Variants in SLC9A3 observed in about 807,000 individuals in gnomAD.
The protein encoded by SLC9A3 is sodium/hydrogen exchanger 3.
In SLC9A3, 37 loss-of-function variants were observed where a neutral mutation model predicts 86.8. The observed-to-expected ratio is 0.43, with a 90% CI of 0.33 to 0.56. The LOEUF is 0.56. Ranked by LOEUF, SLC9A3 falls within the 20% of genes least tolerant of loss-of-function variation. SLC9A3 has a pLI of 0.06. For missense variants in SLC9A3, 1,011 were observed against 1,171.9 expected, an observed-to-expected ratio of 0.86 and a Z score of 2.00; for synonymous variants, 581 against 528.3, an observed-to-expected ratio of 1.10 and a Z score of -1.37.
At chr5:483,549 C>T (rs1453747416) in intron 5 of SLC9A3, 67 bp from the exon 6 acceptor site, 3 of 1,137,204 alleles carry the variant, frequency 2.6e-6, no homozygotes, top group Non-Finnish European at 3.9e-6. Context: ...CGTGTCCGCC[C>T]AGCCCCCCAC....
intron 1 of SLC9A3, among the ~76,000 whole-genome samples, chr5:509,781 C>T: frequency 6.6e-6 from 1 of 152,074 alleles, no homozygotes; most frequent in South Asian, 2.1e-4. Flanking sequence ...TGCAAAGAAC[C>T]AGGAATGAGG....
At chr5:517,095 TCATC>T (rs573189531) in intron 1 of SLC9A3, among the ~76,000 whole-genome samples, 5 of 151,674 alleles carry the variant, frequency 3.3e-5, no homozygotes, top group Admixed American at 6.6e-5. Flanking sequence ...ATCCATCCAC[TCATC>T]CATCCATCCA....
chr5:473,908 G>T (rs560857253), intron 16 of SLC9A3, among the ~76,000 whole-genome samples: 2 of 152,258 alleles, frequency 1.3e-5, no homozygotes, highest in Non-Finnish European at 2.9e-5. Flanking sequence ...CCTGCTCTCA[G>T]CTCCCTGGGA....
At chr5:475,350 C>T (rs961053288) in intron 15 of SLC9A3, 13 of 618,752 alleles carry the variant, frequency 2.1e-5, no homozygotes, top group Non-Finnish European at 3.4e-5. Context: ...AGACATACCC[C>T]ACCTGCTCCC....
At chr5:480,827 G>A (rs1739117336) in intron 9 of SLC9A3, 4 of 152,250 alleles carry the variant, frequency 2.6e-5, no homozygotes, top group Non-Finnish European at 5.9e-5. Flanking sequence ...GCTCCTTACT[G>A]GGTTTATTAT....
intron 15 of SLC9A3, 84 bp downstream of exon 15, chr5:475,477 G>A: frequency 2.4e-6 from 2 of 817,136 alleles, no homozygotes; most frequent in Non-Finnish European, 4.0e-6. Context: ...AGGTCCCAGT[G>A]CCCCTGGTCC....
intron 9 of SLC9A3, chr5:480,855 T>TA (rs1218500275): frequency 3.3e-5 from 5 of 152,312 alleles, no homozygotes; most frequent in Non-Finnish European, 7.3e-5. Context: ...ACATGTTTTT[T>TA]ATAATAAAAC....
Position 523,315 on chromosome 5 carries a change from C to T in SLC9A3, c.211+797G>A, listed in dbSNP as rs112366804. 1.6e-4 allele frequency among the ~76,000 whole-genome samples: 25 copies of T among 152,238 alleles called. 1 individual carries two copies. The highest frequency in any genetic ancestry group is 5.5e-4 in the African/African-American group (23 of 41,540). On this transcript the variant is annotated intron_variant, in intron 1 of 16. Transcript: ENST00000264938. ...CGGCCCCAGCATCGAAACCTCCTCTCGCCCCAGTCCAAAGCTGCTCTGGAA... is the reference window on the plus strand; with the variant it reads ...CGGCCCCAGCATCGAAACCTCCTCTTGCCCCAGTCCAAAGCTGCTCTGGAA...
chr5:476,228 A>T lies in SLC9A3; in HGVS notation c.2041T>A (p.Tyr681Asn). 2 of 1,613,710 alleles carry T rather than the reference A, an allele frequency of 1.2e-6. No homozygotes were observed. The highest frequency in any genetic ancestry group is 1.7e-6 in the Non-Finnish European group (2 of 1,179,940). The change falls in exon 13 of 17, where the codon TAC becomes AAC. Residue 681 changes from tyrosine to asparagine, a missense_variant. Coordinates refer to ENST00000264938, the MANE Select transcript of SLC9A3 (RefSeq NM_004174.4). ...CGCTTCTGGGCACGCTCCCGCTTGT[A>T]CAGCTTGGCCGCCTTCTTGTTCTGG... The part of the protein sequence containing the change: ...LNQNKKAAKL[Y>N]KRERAQKRRN...
At chr5:473,971 C>T (rs958659445) in intron 16 of SLC9A3, among the ~76,000 whole-genome samples, 4 of 152,234 alleles carry the variant, frequency 2.6e-5, no homozygotes, top group Non-Finnish European at 2.9e-5. Flanking sequence ...AAGGAAATCT[C>T]AGGCGGCCCT....
intron 2 of SLC9A3, among the ~76,000 whole-genome samples, chr5:490,771 C>T (rs571302450): frequency 6.6e-6 from 1 of 152,352 alleles, no homozygotes; most frequent in South Asian, 2.1e-4. Flanking sequence ...TCCTGACCAC[C>T]TATGGCATCG....
chr5:475,203 C>G (rs1170993193), intron 15 of SLC9A3, 71 bp from the exon 16 acceptor site: 5 of 1,474,338 alleles, frequency 3.4e-6, no homozygotes, highest in African/African-American at 1.4e-5. Flanking sequence ...TCGCCGGGGC[C>G]GTCACCTGCT....
At chr5:481,391 G>A (rs552583124) in intron 9 of SLC9A3, among the ~76,000 whole-genome samples, 174 bp downstream of exon 9, 7 of 152,196 alleles carry the variant, frequency 4.6e-5, no homozygotes, top group Admixed American at 1.3e-4. Flanking sequence ...ACTCCTTTCC[G>A]CAGCACCTGC....
chr5:506,463 G>A (rs1261370992), intron 1 of SLC9A3, among the ~76,000 whole-genome samples: 5 of 152,154 alleles, frequency 3.3e-5, no homozygotes, highest in African/African-American at 1.2e-4. Context: ...CCTCCCGAGG[G>A]GCCCCATGCT....
intron 1 of SLC9A3, among the ~76,000 whole-genome samples, chr5:517,384 C>T (rs369312488): frequency 5.0e-4 from 75 of 151,296 alleles, no homozygotes; most frequent in African/African-American, 1.7e-3. Context: ...CATCCATTCA[C>T]TTATCCATAT....
chr5:512,292 A>G (rs894198000), intron 1 of SLC9A3, among the ~76,000 whole-genome samples: 3 of 126,792 alleles, frequency 2.4e-5, no homozygotes, highest in Non-Finnish European at 4.9e-5. Flanking sequence ...ACGAGCCCTA[A>G]CGTAAACCGT....
At chr5:506,099 C>T (rs1489798317) in intron 1 of SLC9A3, among the ~76,000 whole-genome samples, 1 of 152,092 alleles carries the variant, frequency 6.6e-6, no homozygotes. Context: ...GTGAGGGCAG[C>T]TTCCCAAGCC....
rs1483899922 is a variant in SLC9A3, at chr5:472,635, A to G, written c.*744T>C. 2.0e-5 allele frequency: 9 copies of G among 454,568 alleles called. No homozygotes were observed. The highest frequency in any genetic ancestry group is 6.3e-5 in the South Asian group (4 of 63,582). The allele number at this position is 454,568 out of a possible 1,614,324, so 28.2% of individuals were successfully genotyped here. On this transcript the variant is annotated 3_prime_UTR_variant, in exon 17 of 17. Coordinates refer to ENST00000264938, the MANE Select transcript of SLC9A3 (RefSeq NM_004174.4). ...GCAGGTACTGGCTTTAGGAGTCTAAATCCCCAAACGCTGAGCAGACGGAAG... is the reference window on the plus strand; with the variant it reads ...GCAGGTACTGGCTTTAGGAGTCTAAGTCCCCAAACGCTGAGCAGACGGAAG...
At position 471,887 on chromosome 5, in the gene SLC9A3, T is replaced by C; in HGVS notation, c.*1492A>G. On this transcript the variant is annotated 3_prime_UTR_variant, in exon 17 of 17. Coordinates refer to ENST00000264938, the MANE Select transcript of SLC9A3 (RefSeq NM_004174.4). ...TGGACTTTTCCCACCAGGGACTCAA[T>C]GGGGACTCAATGTGCAATATTCAGT... is the stretch of plus-strand genomic sequence containing the variant. 1 of 456,236 alleles carries C rather than the reference T, an allele frequency of 2.2e-6. No individual in the cohort carries two copies. Among genetic ancestry groups the C allele is most frequent in the South Asian group, 1.5e-5 (1 of 64,552 alleles). 28.3% of individuals were successfully genotyped at this position (456,236 alleles called of 1,614,324 possible).
Sources: allele counts gnomAD v4.1 joint callset (sites outside exome capture counted in the v4.1 genomes callset), GRCh38; gene constraint gnomAD v4.1.1; transcripts MANE v1.5; gene names NCBI Gene and HGNC (gene_info 2026-07-23, HGNC 2026-07-21).